Variants in SUV39H2 observed in about 807,000 individuals in gnomAD.
SUV39H2 encodes the protein SUV39H2 histone lysine methyltransferase.
SUV39H2 carries 10 observed loss-of-function variants against 47.5 expected under a neutral mutation model. The observed-to-expected ratio is 0.21, with a 90% CI of 0.13 to 0.36. The LOEUF is 0.36. Ranked by LOEUF, SUV39H2 falls within the 10% of genes least tolerant of loss-of-function variation. SUV39H2 has a pLI of 1.00. For synonymous variants in SUV39H2, 159 were observed against 166.8 expected (o/e 0.95, Z 0.36); for missense variants, 266 against 487.4 (o/e 0.55, Z 4.28).
At chr10:14,882,908 C>T (rs1376779544) in intron 2 of SUV39H2, among the ~76,000 whole-genome samples, 1 of 151,412 alleles carries the variant, frequency 6.6e-6, no homozygotes, top group African/African-American at 2.4e-5. Flanking sequence ...GCTCTTGTCG[C>T]CCAGGCTGGA....
Position 14,902,548 on chromosome 10 carries a change from T to G in SUV39H2, c.*36T>G. 1 of 1,344,270 alleles carries G rather than the reference T, an allele frequency of 7.4e-7. No homozygotes were observed. The highest frequency in any genetic ancestry group is 1.0e-6 in the Non-Finnish European group (1 of 984,414). The allele number at this position is 1,344,270 out of a possible 1,614,324, so 83.3% of individuals were successfully genotyped here. On this transcript the variant is annotated 3_prime_UTR_variant, in exon 6 of 6. Transcript: ENST00000354919. ...GAAATAGAGCTGATGATTATAATATTTTTTTCCTAATGTTAACATTTTTAA... is the reference window on the plus strand; with the variant it reads ...GAAATAGAGCTGATGATTATAATATGTTTTTCCTAATGTTAACATTTTTAA...
rs115477863 is a variant in SUV39H2, at chr10:14,890,816, A to G, written c.178-6030A>G. ...TGGTGTTTGCTGCCACTTGTTGGCT[A>G]TAGACAGCAGGTGACAAATATTGAG... On this transcript the variant is annotated intron_variant, in intron 2 of 5. Transcript: ENST00000354919. 9.4e-3 allele frequency among the ~76,000 whole-genome samples: 1,433 copies of G among 152,364 alleles called. 23 individuals carry two copies. Among genetic ancestry groups the G allele is most frequent in the African/African-American group, 0.032 (1,316 of 41,578 alleles).
intron 2 of SUV39H2, among the ~76,000 whole-genome samples, chr10:14,888,385 C>T (rs1356674678): frequency 6.6e-6 from 1 of 151,940 alleles, no homozygotes; most frequent in African/African-American, 2.4e-5. Flanking sequence ...CCTGTAATCC[C>T]AGCACTTTGG....
intron 2 of SUV39H2, among the ~76,000 whole-genome samples, chr10:14,888,744 G>A (rs1395550477): frequency 6.6e-6 from 1 of 152,120 alleles, no homozygotes; most frequent in Admixed American, 6.6e-5. Context: ...AGAATCCACT[G>A]TATTTAGTAA....
At position 14,901,290 on chromosome 10, in the gene SUV39H2, G is replaced by A. The variant is rs1404375191; in HGVS notation, c.1126+28G>A. ...ATGCTTTTCAAGTACAGTTTCATTG[G>A]TGTCAGTTTCAATATGAAGAATCAA... On this transcript the variant is annotated intron_variant, in intron 5 of 5. Coordinates refer to ENST00000354919, the MANE Select transcript of SUV39H2 (RefSeq NM_001193424.2). 1.9e-6 allele frequency: 3 copies of A among 1,612,572 alleles called. No homozygotes were observed. The South Asian group carries it at 3.3e-5, about 18-fold the overall frequency.
At position 14,879,128 on chromosome 10, in the gene SUV39H2, G is replaced by A. The variant is rs1410726256; in HGVS notation, c.31+209G>A. The A allele has an allele frequency of 3.2e-6, 4 of 1,263,848 alleles. No individual in the cohort carries two copies. In the East Asian group the frequency reaches 1.3e-4, roughly 42 times the overall value. 78.3% of individuals were successfully genotyped at this position (1,263,848 alleles called of 1,614,324 possible). The stretch of plus-strand genomic sequence containing the variant: ...TGCCCGGCCGGCTCCCGCCGCGGAG[G>A]TGGGCACTGTCCGAGCCTGGGGCAC... On this transcript the variant is annotated intron_variant, in intron 1 of 5. Transcript: ENST00000354919.
rs973319663 is a variant in SUV39H2 at position 14,879,078 on chromosome 10, C to T, written c.31+159C>T. ...GACGCACGCTGCGGACGCCTATCCT[C>T]CCCCAGGCCGCTGACCCGCCTCCCT... On this transcript the variant is annotated intron_variant, in intron 1 of 5. Transcript: ENST00000354919. 5.3e-5 allele frequency: 68 copies of T among 1,289,262 alleles called. 1 individual carries two copies. The Admixed American group carries it at 2.0e-3, about 39-fold the overall frequency. 79.9% of individuals were successfully genotyped at this position (1,289,262 alleles called of 1,614,324 possible). A position where few individuals can be genotyped will look rare whatever the true frequency, so the allele number is the denominator to read the frequency against.
At chr10:14,896,398 G>T (rs1398057667) in intron 2 of SUV39H2, among the ~76,000 whole-genome samples, 4 of 152,178 alleles carry the variant, frequency 2.6e-5, no homozygotes, top group Non-Finnish European at 5.9e-5. Flanking sequence ...GAGTTCCCTT[G>T]TGTCTGGTGT....
At chr10:14,879,211 G>A in intron 1 of SUV39H2, 11 of 994,758 alleles carry the variant, frequency 1.1e-5, no homozygotes, top group Non-Finnish European at 1.4e-5. Context: ...CGCGTCTCCC[G>A]TGGCGGCCTC....
chr10:14,890,566 G>A (rs1833355909), intron 2 of SUV39H2, among the ~76,000 whole-genome samples: 1 of 152,162 alleles, frequency 6.6e-6, no homozygotes, highest in Non-Finnish European at 1.5e-5. Flanking sequence ...CTAATTTGTA[G>A]AGACAAGGTC....
chr10:14,899,433 TCTTA>T, intron 3 of SUV39H2, 102 bp from the exon 4 acceptor site: 3 of 1,243,612 alleles, frequency 2.4e-6, no homozygotes, highest in Non-Finnish European at 3.4e-6. Flanking sequence ...CACCTGAATT[TCTTA>T]CTTTTTAAAT....
At chr10:14,898,380 G>C (rs1421731929) in intron 3 of SUV39H2, 2 of 151,816 alleles carry the variant, frequency 1.3e-5, no homozygotes, top group Non-Finnish European at 2.9e-5. Context: ...CTGAAGGGTA[G>C]GTTGAGCTGT....
At chr10:14,878,941 C>T (rs2131662973) in intron 1 of SUV39H2, 22 bp downstream of exon 1, 5 of 1,452,110 alleles carry the variant, frequency 3.4e-6, no homozygotes, top group South Asian at 2.8e-5. Flanking sequence ...GCGCGGCCCC[C>T]TCGCCTTCCC....
intron 2 of SUV39H2, among the ~76,000 whole-genome samples, chr10:14,888,845 C>G (rs1833296516): frequency 6.6e-6 from 1 of 152,136 alleles, no homozygotes; most frequent in African/African-American, 2.4e-5. Flanking sequence ...TGGCTCACGC[C>G]TGTAATCCCA....
intron 2 of SUV39H2, among the ~76,000 whole-genome samples, chr10:14,896,384 A>G (rs544947963): frequency 2.6e-5 from 4 of 152,314 alleles, no homozygotes; most frequent in Admixed American, 2.6e-4. Context: ...TGATGTTGAG[A>G]AATGAGTTCC....
Position 14,902,717 on chromosome 10 carries a change from T to G in SUV39H2, c.*205T>G, listed in dbSNP as rs1024247221. 1 of 392,078 alleles carries G rather than the reference T, an allele frequency of 2.6e-6. No homozygotes were observed. Among genetic ancestry groups the G allele is most frequent in the Non-Finnish European group, 4.7e-6 (1 of 214,772 alleles). 24.3% of individuals were successfully genotyped at this position (392,078 alleles called of 1,614,324 possible). ...ATAGACTGATATGAAGTCGACATAT[T>G]TATAGTGCTTAGAGACCAAACTAAT... On this transcript the variant is annotated 3_prime_UTR_variant, in exon 6 of 6. Transcript: ENST00000354919.
At chr10:14,899,186 C>T (rs746662674) in intron 3 of SUV39H2, 49 of 701,390 alleles carry the variant, frequency 7.0e-5, no homozygotes, top group South Asian at 6.2e-4. Flanking sequence ...CTGGGCATGG[C>T]GGTATGCACC....
At chr10:14,887,863 C>G (rs1364400399) in intron 2 of SUV39H2, among the ~76,000 whole-genome samples, 1 of 152,168 alleles carries the variant, frequency 6.6e-6, no homozygotes, top group Non-Finnish European at 1.5e-5. Flanking sequence ...GCAGGTATCC[C>G]TGAGGAACTG....
intron 2 of SUV39H2, among the ~76,000 whole-genome samples, chr10:14,890,913 A>G (rs1833368491): frequency 6.6e-6 from 1 of 152,184 alleles, no homozygotes; most frequent in Non-Finnish European, 1.5e-5. Flanking sequence ...TATTGTTGTG[A>G]TTTGTATATT....
Sources: allele counts gnomAD v4.1 joint callset (sites outside exome capture counted in the v4.1 genomes callset), GRCh38; gene constraint gnomAD v4.1.1; transcripts MANE v1.5; gene names NCBI Gene and HGNC (gene_info 2026-07-23, HGNC 2026-07-21).